SLC6A14: variants seen among roughly 807,000 people sequenced by gnomAD.
The protein encoded by SLC6A14 is sodium- and chloride-dependent neutral and basic amino acid transporter B(0+).
In SLC6A14, 21 loss-of-function variants were observed where a neutral mutation model predicts 51.4. The ratio of observed to expected loss-of-function variants is 0.41; its 90% CI spans 0.29 to 0.59. The LOEUF is 0.59. SLC6A14 is among the 20% of genes least tolerant of loss of function. The probability of loss-of-function intolerance (pLI) is 0.31; values close to 1 mark genes in which losing one functional copy is unlikely to be tolerated. For missense variants in SLC6A14, 371 were observed against 472.8 expected (o/e 0.78, Z 2.00); for synonymous variants, 177 against 160.7 (o/e 1.10, Z -0.77).
At chrX:116,452,603 T>C (rs1346081353) in intron 8 of SLC6A14, among the ~76,000 whole-genome samples, 2 of 111,990 alleles carry the variant, frequency 1.8e-5, no homozygotes, top group Non-Finnish European at 3.8e-5. Context: ...AAAAGTTAGT[T>C]CGTAAATGTA....
chrX:116,447,046 T>G (rs1195212431), intron 7 of SLC6A14, among the ~76,000 whole-genome samples, 165 bp downstream of exon 7: 14 of 112,180 alleles, frequency 1.2e-4, no homozygotes, highest in Non-Finnish European at 2.3e-4. Flanking sequence ...TAGCTAATAT[T>G]TAACCTGCCA....
chrX:116,441,411 C>G (rs1272504756), intron 3 of SLC6A14, among the ~76,000 whole-genome samples: 1 of 112,165 alleles, frequency 8.9e-6, no homozygotes, highest in Non-Finnish European at 1.9e-5. Flanking sequence ...GGCACATAGT[C>G]TCATGCTCTA....
At position 116,437,969 on chromosome X, in the gene SLC6A14, C is replaced by CGG; in HGVS notation, c.214+14_214+15insGG. ...GCAATGGTGGAGGTATTCTATTTCA[C>CGG]CCCCACCCTCCCACCCCCGCTTTTC... On this transcript the variant is annotated intron_variant, in intron 2 of 13. Coordinates refer to ENST00000598581, the MANE Select transcript of SLC6A14 (RefSeq NM_007231.5). 5.5e-6 allele frequency: 6 copies of CGG among 1,096,534 alleles called. No homozygotes were observed. Among genetic ancestry groups the CGG allele is most frequent in the African/African-American group, 2.0e-5 (1 of 50,505 alleles). 90.4% of individuals were successfully genotyped at this position (1,096,534 alleles called of 1,213,427 possible).
rs12720085 is a variant in SLC6A14 at position 116,451,585 on chromosome X, C to T, written c.1074C>T (p.Ser358=). ...TTTGTTTGACAAACTGTCTCACTAG[C>T]GTGTTTGCTGGATTTGCTATTTTTT... ...IVVCLTNCLT[S]VFAGFAIFSI... The change falls in exon 8 of 14, where the codon AGC becomes AGT. Residue 358 remains serine (S), a synonymous_variant. Transcript: ENST00000598581. The T allele has an allele frequency of 5.3e-3, 6,364 of 1,207,619 alleles. 15 individuals are homozygous for T. Among genetic ancestry groups the T allele is most frequent in the Non-Finnish European group, 5.6e-3 (5,022 of 893,789 alleles).
chrX:116,437,307 C>T (rs1182673642), intron 1 of SLC6A14, among the ~76,000 whole-genome samples: 3 of 92,206 alleles, frequency 3.3e-5, no homozygotes, highest in Non-Finnish European at 6.8e-5. Flanking sequence ...TATAGATTCT[C>T]GTTTTTTTTT....
chrX:116,455,543 A>T (rs1556694748), intron 12 of SLC6A14, 77 bp downstream of exon 12: 15 of 665,557 alleles, frequency 2.3e-5, no homozygotes, highest in Non-Finnish European at 1.9e-5. Context: ...CACATTGAAG[A>T]CAAAAGGCAA....
intron 11 of SLC6A14, 67 bp downstream of exon 11, chrX:116,455,143 A>G: frequency 1.2e-6 from 1 of 800,700 alleles, no homozygotes; most frequent in South Asian, 2.4e-5. Context: ...CATTTTCATT[A>G]TATTTACCTA....
chrX:116,447,169 C>A (rs1413767345), intron 7 of SLC6A14, among the ~76,000 whole-genome samples: 2 of 111,278 alleles, frequency 1.8e-5, no homozygotes, highest in African/African-American at 6.5e-5. Flanking sequence ...GCTTATTAAT[C>A]TGAAAAACAA....
At chrX:116,451,281 G>A (rs1927817849) in intron 7 of SLC6A14, among the ~76,000 whole-genome samples, 161 bp from the exon 8 acceptor site, 1 of 111,455 alleles carries the variant, frequency 9.0e-6, no homozygotes, top group Non-Finnish European at 1.9e-5. Flanking sequence ...GTACAAAAAG[G>A]ATTTAAGAGA....
rs1177172688 is a variant in SLC6A14 at position 116,461,086 on chromosome X, T to G, written c.*2131T>G. The G allele has an allele frequency of 8.9e-6, 1 of 112,117 alleles. No individual in the cohort carries two copies. Among genetic ancestry groups the G allele is most frequent in the Non-Finnish European group, 1.9e-5 (1 of 53,258 alleles). 9.2% of individuals were successfully genotyped at this position (112,117 alleles called of 1,213,427 possible). A position where few individuals can be genotyped will look rare whatever the true frequency, so the allele number is the denominator to read the frequency against. ...AGGTGTGCAATTTTCTATAGGTGAC[T>G]TTTGCAATTCAGGGAAGATTTGGGC... On this transcript the variant is annotated 3_prime_UTR_variant, in exon 14 of 14. Coordinates refer to ENST00000598581, the MANE Select transcript of SLC6A14 (RefSeq NM_007231.5).
chrX:116,458,812 C>A lies in SLC6A14; in HGVS notation c.1786C>A (p.Leu596Ile). ...ATTTTTTGTTCTTGCATTTCAGCGC[C>A]TTATAAGTTGCTGCAGACCAGCTTC... ...IQAKGNIFQRLISCCRPASNW... is the reference protein window; with the variant it reads ...IQAKGNIFQRIISCCRPASNW... The change falls in exon 14 of 14, where the codon CTT becomes ATT. Residue 596 changes from leucine to isoleucine, a missense_variant. Leu to Ile is a conservative substitution (Grantham distance 5). Around this residue, in one of 2 missense-constraint regions of SLC6A14, gnomAD observed 94 missense variants for 81.0 expected, o/e 1.16. Transcript: ENST00000598581. 1 of 1,180,675 alleles carries A rather than the reference C, an allele frequency of 8.5e-7. No homozygotes were observed. Among genetic ancestry groups the A allele is most frequent in the South Asian group, 2.0e-5 (1 of 50,351 alleles).
chrX:116,451,459 C>T lies in SLC6A14; in HGVS notation c.948C>T (p.Ala316=). Residue 316 remains alanine, a synonymous_variant, in exon 8 of 14, where the codon GCC becomes GCT. Transcript: ENST00000598581. ...TCTTATAGGTATGGAAAGATGCTGC[C>T]ACTCAGATATTTTACTCCCTTTCAG... ...LKEAEVWKDA[A]TQIFYSLSVA... 8.3e-7 allele frequency: 1 copy of T among 1,202,238 alleles called. No homozygotes were observed. Among genetic ancestry groups the T allele is most frequent in the Non-Finnish European group, 1.1e-6 (1 of 888,927 alleles).
At chrX:116,454,931 A>C in intron 10 of SLC6A14, 46 bp from the exon 11 acceptor site, 4 of 929,052 alleles carry the variant, frequency 4.3e-6, no homozygotes, top group Middle Eastern at 5.4e-4. Context: ...ATCAATCATA[A>C]AAACAATTAA....
At chrX:116,443,883 A>G in intron 5 of SLC6A14, 93 bp downstream of exon 5, 2 of 717,895 alleles carry the variant, frequency 2.8e-6, no homozygotes, top group Non-Finnish European at 3.9e-6. Context: ...CTTAACTCAC[A>G]TAAATAGAAA....
At chrX:116,442,562 G>A in intron 3 of SLC6A14, 125 bp from the exon 4 acceptor site, 1 of 540,526 alleles carries the variant, frequency 1.9e-6, no homozygotes, top group Non-Finnish European at 2.8e-6. Flanking sequence ...ACCGCACCCT[G>A]CCTGAAACAG....
intron 1 of SLC6A14, among the ~76,000 whole-genome samples, chrX:116,437,440 C>G (rs1446714886): frequency 9.0e-6 from 1 of 111,455 alleles, no homozygotes. Context: ...TCATTTTTCC[C>G]TCACACCAGT....
chrX:116,449,893 C>T (rs1270418330), intron 7 of SLC6A14, among the ~76,000 whole-genome samples: 1 of 111,665 alleles, frequency 9.0e-6, no homozygotes, highest in Non-Finnish European at 1.9e-5. Flanking sequence ...TTGATAATAT[C>T]AATTATCCTT....
At position 116,451,616 on chromosome X, in the gene SLC6A14, T is replaced by C. The variant is rs1927826110; in HGVS notation, c.1105T>C (p.Leu369=). The change falls in exon 8 of 14, where the codon TTG becomes CTG. Residue 369 remains leucine (L), a synonymous_variant. Coordinates refer to ENST00000598581, the MANE Select transcript of SLC6A14 (RefSeq NM_007231.5). ...VFAGFAIFSI[L]GHMAHISGKE... ...TGCTGGATTTGCTATTTTTTCTATA[T>C]TGGGACACATGGCCCATATATCTGG... The C allele has an allele frequency of 4.1e-6, 5 of 1,209,413 alleles. No homozygotes were observed.
intron 13 of SLC6A14, 56 bp downstream of exon 13, chrX:116,457,832 G>A: frequency 2.3e-6 from 2 of 881,405 alleles, no homozygotes; most frequent in Non-Finnish European, 3.2e-6. Flanking sequence ...TCAAAATGGA[G>A]ATTAATTTAC....
Sources: allele counts gnomAD v4.1 joint callset (sites outside exome capture counted in the v4.1 genomes callset), GRCh38; gene constraint gnomAD v4.1.1; regional missense constraint gnomAD v4.1.1; transcripts MANE v1.5; gene names NCBI Gene and HGNC (gene_info 2026-07-23, HGNC 2026-07-21).